The following DNAH8 variants were observed in gnomAD, a reference collection of about 807,000 sequenced individuals.
DNAH8 encodes the protein dynein axonemal heavy chain 8.
Under a neutral mutation model 562.1 loss-of-function variants are expected in DNAH8, and 382 were observed. The ratio of observed to expected loss-of-function variants is 0.68; its 90% CI spans 0.63 to 0.74. The LOEUF is 0.74. Ranked by LOEUF, DNAH8 falls within the 30% of genes least tolerant of loss-of-function variation. DNAH8 has a pLI of 0.00. For missense variants in DNAH8, 5,203 were observed against 5,620.4 expected (o/e 0.93, Z 2.37); for synonymous variants, 1,881 against 1,919.4 (o/e 0.98, Z 0.52).
Position 38,899,815 on chromosome 6 carries a change from C to T in DNAH8, c.9103C>T (p.Leu3035=). 6.2e-7 allele frequency: 1 copy of T among 1,613,554 alleles called. No individual in the cohort carries two copies. The highest frequency in any genetic ancestry group is 8.5e-7 in the Non-Finnish European group (1 of 1,179,726). Residue 3035 remains leucine, a synonymous_variant, in exon 62 of 93, where the codon CTG becomes TTG. Coordinates refer to ENST00000327475, the MANE Select transcript of DNAH8 (RefSeq NM_001206927.2). ...TCGAACGTCGTGTGGAAATGCATTG[C>T]TGGTGGGTGTTGGTGGTTCCGGAAA... ...IIRTSCGNAL[L]VGVGGSGKQS...
intron 79 of DNAH8, among the ~76,000 whole-genome samples, chr6:38,943,272 A>G (rs777033753): frequency 6.6e-6 from 1 of 152,224 alleles, no homozygotes; most frequent in Non-Finnish European, 1.5e-5. Flanking sequence ...AAAACATAAC[A>G]TTTGTTTTAG....
chr6:38,729,667 C>G (rs950361319), intron 3 of DNAH8, among the ~76,000 whole-genome samples: 2 of 152,132 alleles, frequency 1.3e-5, no homozygotes, highest in African/African-American at 2.4e-5. Flanking sequence ...TTCTGTGGGG[C>G]AGGGTCAGGT....
intron 35 of DNAH8, among the ~76,000 whole-genome samples, chr6:38,844,305 G>A (rs1260834051): frequency 1.3e-5 from 2 of 151,908 alleles, no homozygotes; most frequent in African/African-American, 2.4e-5. Flanking sequence ...TTTTTTTTAA[G>A]TCTGGCTCTG....
intron 8 of DNAH8, among the ~76,000 whole-genome samples, chr6:38,749,535 T>TAAAAAAAAAAAAAAAAAAAA (rs562568389): frequency 8.3e-6 from 1 of 120,454 alleles, no homozygotes; most frequent in Non-Finnish European, 1.7e-5. Flanking sequence ...GAACTTAAAG[T>TAAAAAAAAAAAAAAAAAAAA]AAAAAAAAAA....
At chr6:38,847,949 G>A (rs960475423) in intron 36 of DNAH8, among the ~76,000 whole-genome samples, 6 of 152,066 alleles carry the variant, frequency 3.9e-5, no homozygotes, top group African/African-American at 1.4e-4. Flanking sequence ...CTATATGGGG[G>A]TAGCAACCCT....
chr6:38,817,425 A>G (rs1025260683), intron 26 of DNAH8, among the ~76,000 whole-genome samples: 17 of 152,324 alleles, frequency 1.1e-4, no homozygotes, highest in Admixed American at 8.5e-4. Flanking sequence ...GCACCTTTCT[A>G]TGTTGCACTA....
At chr6:38,782,070 A>G (rs985249345) in intron 16 of DNAH8, among the ~76,000 whole-genome samples, 1 of 152,020 alleles carries the variant, frequency 6.6e-6, no homozygotes, top group Non-Finnish European at 1.5e-5. Flanking sequence ...ATTATTAAAT[A>G]TGAAGATTCT....
chr6:38,987,317 T>C (rs553020554), intron 87 of DNAH8, among the ~76,000 whole-genome samples: 14 of 152,330 alleles, frequency 9.2e-5, no homozygotes, highest in African/African-American at 3.4e-4. Flanking sequence ...CCTCTTCTAC[T>C]TCTTCCCTGT....
At chr6:38,776,764 CA>C (rs768568588) in intron 13 of DNAH8, among the ~76,000 whole-genome samples, 3 of 152,154 alleles carry the variant, frequency 2.0e-5, no homozygotes, top group Non-Finnish European at 4.4e-5. Context: ...GAAGGGTAGT[CA>C]GAAAGTATGT....
intron 4 of DNAH8, 131 bp from the exon 5 acceptor site, chr6:38,734,343 T>G: frequency 1.2e-5 from 8 of 675,818 alleles, no homozygotes; most frequent in Non-Finnish European, 1.5e-5. Flanking sequence ...CCCAAAAAAA[T>G]TATTCTATGA....
chr6:38,979,008 C>T (rs986061138), intron 85 of DNAH8, among the ~76,000 whole-genome samples: 4 of 152,232 alleles, frequency 2.6e-5, no homozygotes, highest in African/African-American at 4.8e-5. Flanking sequence ...TCTTGAAGCA[C>T]GTGACCACTG....
At chr6:38,875,279 A>G (rs1010834599) in intron 52 of DNAH8, among the ~76,000 whole-genome samples, 3 of 152,234 alleles carry the variant, frequency 2.0e-5, no homozygotes, top group Non-Finnish European at 2.9e-5. Context: ...TTAGCTGCTT[A>G]CATCGAGTCT....
chr6:38,938,040 T>C lies in DNAH8; in HGVS notation c.11630T>C (p.Val3877Ala). The C allele has an allele frequency of 1.2e-6, 2 of 1,613,982 alleles. No homozygotes were observed. Among genetic ancestry groups the C allele is most frequent in the Non-Finnish European group, 1.7e-6 (2 of 1,179,998 alleles). ...LRTTKQTAAE[V>A]SEKLHVAAET... Reference sequence around the variant, plus strand: ...ACTACCAAGCAGACAGCAGCTGAGGTAAGTGAAAAGTTGCATGTGGCTGCA... The same window carrying C: ...ACTACCAAGCAGACAGCAGCTGAGGCAAGTGAAAAGTTGCATGTGGCTGCA... Residue 3877 changes from valine (V) to alanine (A), a missense_variant, in exon 78 of 93, where the codon GTA (valine) becomes GCA (alanine). Around this residue, in one of 6 missense-constraint regions of DNAH8, gnomAD observed 1,399 missense variants for 1,518.4 expected, o/e 0.92. Transcript: ENST00000327475.
At chr6:38,944,561 T>C (rs1783697534) in intron 79 of DNAH8, among the ~76,000 whole-genome samples, 2 of 152,262 alleles carry the variant, frequency 1.3e-5, no homozygotes, top group African/African-American at 2.4e-5. Context: ...GGAATTATTA[T>C]GATACATTAC....
intron 4 of DNAH8, among the ~76,000 whole-genome samples, chr6:38,732,858 G>A (rs778362687): frequency 6.6e-6 from 1 of 151,970 alleles, no homozygotes; most frequent in Non-Finnish European, 1.5e-5. Flanking sequence ...AAACATTTCT[G>A]TGGCTTTGTG....
chr6:38,881,862 T>A (rs761960940), intron 53 of DNAH8, among the ~76,000 whole-genome samples: 2 of 152,148 alleles, frequency 1.3e-5, no homozygotes, highest in Non-Finnish European at 2.9e-5. Context: ...TGAAATCAAT[T>A]TCTTATGGCA....
chr6:38,790,687 G>A (rs1769650625), intron 20 of DNAH8, among the ~76,000 whole-genome samples: 1 of 151,920 alleles, frequency 6.6e-6, no homozygotes, highest in South Asian at 2.1e-4. Context: ...GCTGGACATG[G>A]TGGCGGGCAC....
Position 39,030,573 on chromosome 6 carries a change from A to G in DNAH8, c.*181A>G. On this transcript the variant is annotated 3_prime_UTR_variant, in exon 93 of 93. Transcript: ENST00000327475. ...TTTCCTCACATATCAATATTCAAAA[A>G]GATAACTCTAAATGAATGTTTTTTA... is the stretch of plus-strand genomic sequence containing the variant. 1.8e-6 allele frequency: 1 copy of G among 560,368 alleles called. No homozygotes were observed. The highest frequency in any genetic ancestry group is 2.9e-5 in the East Asian group (1 of 34,326). The allele number at this position is 560,368 out of a possible 1,614,324, so 34.7% of individuals were successfully genotyped here. A position where few individuals can be genotyped will look rare whatever the true frequency, so the allele number is the denominator to read the frequency against.
rs530950129 is a variant in DNAH8 at position 38,773,518 on chromosome 6, T to G, written c.1765-2236T>G. 4.3e-4 allele frequency among the ~76,000 whole-genome samples: 66 copies of G among 152,194 alleles called. 1 individual carries two copies. Among genetic ancestry groups the G allele is most frequent in the Admixed American group, 3.3e-3 (51 of 15,292 alleles). ...CTGCCTCTAGTTTGAAGAATACAAC[T>G]TCAAGCCACAAGTGCTCAGCAACCA... On this transcript the variant is annotated intron_variant, in intron 12 of 92. Transcript: ENST00000327475.
Sources: allele counts gnomAD v4.1 joint callset (sites outside exome capture counted in the v4.1 genomes callset), GRCh38; gene constraint gnomAD v4.1.1; regional missense constraint gnomAD v4.1.1; transcripts MANE v1.5; gene names NCBI Gene and HGNC (gene_info 2026-07-23, HGNC 2026-07-21).